CACNG5: variants seen among roughly 807,000 people sequenced by gnomAD.
CACNG5 encodes calcium voltage-gated channel auxiliary subunit gamma 5.
Under a neutral mutation model 24.8 loss-of-function variants are expected in CACNG5, and 18 were observed. That is an observed-to-expected ratio of 0.73 (90% CI 0.50 to 1.08). The LOEUF (loss-of-function observed/expected upper bound fraction) is 1.08. Among genes scored for constraint, CACNG5 ranks in the 50% least tolerant of loss-of-function variants. The pLI, the probability that CACNG5 is intolerant of heterozygous loss-of-function variation, is 0.00. For missense variants in CACNG5, 349 were observed against 367.9 expected (o/e 0.95, Z 0.42); for synonymous variants, 157 against 149.1 (o/e 1.05, Z -0.39).
At chr17:66,836,141 C>T (rs1200992975) in intron 1 of CACNG5, among the ~76,000 whole-genome samples, 2 of 152,130 alleles carry the variant, frequency 1.3e-5, no homozygotes, top group African/African-American at 4.8e-5. Flanking sequence ...CTGCCAGGCA[C>T]GCCGGTGGTT....
chr17:66,873,941 T>G (rs775112146), intron 1 of CACNG5, among the ~76,000 whole-genome samples: 2,594 of 151,708 alleles, frequency 0.017, 22 homozygotes, highest in Non-Finnish European at 0.024. Context: ...AAGCTGTTTT[T>G]TTTTTTTTTT....
intron 1 of CACNG5, among the ~76,000 whole-genome samples, chr17:66,846,836 G>A (rs556146006): frequency 1.2e-4 from 19 of 152,246 alleles, no homozygotes; most frequent in Non-Finnish European, 2.2e-4. Flanking sequence ...ATACTGAGGC[G>A]CCACCAAACT....
intron 1 of CACNG5, among the ~76,000 whole-genome samples, chr17:66,869,603 T>G (rs4791020): frequency 0.48 from 73,280 of 151,828 alleles, 18,105 homozygotes; most frequent in South Asian, 0.6. Context: ...CCGTGTGCCA[T>G]TCACTCCCCC....
At chr17:66,858,878 G>A (rs372003832) in intron 1 of CACNG5, among the ~76,000 whole-genome samples, 1 of 152,172 alleles carries the variant, frequency 6.6e-6, no homozygotes, top group South Asian at 2.1e-4. Flanking sequence ...AGGTGGTCAA[G>A]GTGTGAATAC....
chr17:66,874,019 G>T (rs545715351), intron 1 of CACNG5, among the ~76,000 whole-genome samples: 3 of 151,004 alleles, frequency 2.0e-5, no homozygotes, highest in African/African-American at 7.3e-5. Context: ...CCCCACTTTG[G>T]ATAAACTCAT....
At chr17:66,850,599 TACACAC>T (rs56797058) in intron 1 of CACNG5, among the ~76,000 whole-genome samples, 1 of 142,318 alleles carries the variant, frequency 7.0e-6, no homozygotes, top group African/African-American at 2.8e-5. Context: ...CACAAATACA[TACACAC>T]ACACACACAC....
chr17:66,885,789 C>A lies in CACNG5; in HGVS notation c.*549C>A, dbSNP rs1242488099. On this transcript the variant is annotated 3_prime_UTR_variant, in exon 6 of 6. Coordinates refer to ENST00000533854, the MANE Select transcript of CACNG5 (RefSeq NM_145811.3). Reference sequence around the variant, plus strand: ...CTTCTGAACTCCTTTCTCCTTGTCACCCCTGTCCCTCCACATGACACACCT... The same window carrying A: ...CTTCTGAACTCCTTTCTCCTTGTCAACCCTGTCCCTCCACATGACACACCT... Among the ~76,000 whole-genome samples the A allele has an allele frequency of 4.6e-5, 7 of 152,198 alleles. No homozygotes were observed. Among genetic ancestry groups the A allele is most frequent in the Non-Finnish European group, 5.9e-5 (4 of 68,030 alleles).
At position 66,880,635 on chromosome 17, in the gene CACNG5, G is replaced by C. The variant is rs1217664028; in HGVS notation, c.362G>C (p.Gly121Ala). Residue 121 changes from glycine (G) to alanine (A), a missense_variant, in exon 4 of 6, where the codon GGA becomes GCA. Physicochemically the swap from Gly to Ala is moderately conservative, Grantham distance 60. Transcript: ENST00000533854. ...MFIGFILNNI[G>A]HIRPHRTILA... ...ATTGGGTTTATCCTGAACAACATCG[G>C]ACACATCCGTCCCCACCGGACGATA... 2 of 1,614,190 alleles carry C rather than the reference G, an allele frequency of 1.2e-6. No homozygotes were observed. The highest frequency in any genetic ancestry group is 3.3e-5 in the Admixed American group (2 of 60,022).
chr17:66,885,995 A>G lies in CACNG5; in HGVS notation c.*755A>G, dbSNP rs527862580. ...ATCCTAATATGTATGGCCCTTTGAT[A>G]ACATATTTTACAGGAGCCTTTTATG... On this transcript the variant is annotated 3_prime_UTR_variant, in exon 6 of 6. Coordinates refer to ENST00000533854, the MANE Select transcript of CACNG5 (RefSeq NM_145811.3). 5.9e-5 allele frequency among the ~76,000 whole-genome samples: 9 copies of G among 152,328 alleles called. No individual in the cohort carries two copies. Among genetic ancestry groups the G allele is most frequent in the Non-Finnish European group, 1.3e-4 (9 of 68,034 alleles).
chr17:66,860,957 T>G (rs145575598), intron 1 of CACNG5, among the ~76,000 whole-genome samples: 83 of 152,274 alleles, frequency 5.5e-4, no homozygotes, highest in African/African-American at 1.9e-3. Flanking sequence ...CCAACCCTGA[T>G]GTAGATAATT....
At chr17:66,847,684 C>A (rs1379440275) in intron 1 of CACNG5, among the ~76,000 whole-genome samples, 1 of 152,124 alleles carries the variant, frequency 6.6e-6, no homozygotes. Flanking sequence ...TATCCAGACA[C>A]CCCTCACCCA....
rs993681024 is a variant in CACNG5 at position 66,877,411 on chromosome 17, G to A, written c.79G>A (p.Ala27Thr). 1.1e-5 allele frequency: 18 copies of A among 1,614,088 alleles called. No homozygotes were observed. The highest frequency in any genetic ancestry group is 4.5e-5 in the East Asian group (2 of 44,878). Residue 27 changes from alanine (A) to threonine (T), a missense_variant, in exon 2 of 6, where the codon GCG becomes ACG. Coordinates refer to ENST00000533854, the MANE Select transcript of CACNG5 (RefSeq NM_145811.3). ...CTGTGGCTTGGGCCTCCTGGGTATC[G>A]CGGTCAGCACCGACTACTGGCTGTA... ...AVCGLGLLGI[A>T]VSTDYWLYLE...
intron 1 of CACNG5, among the ~76,000 whole-genome samples, chr17:66,840,735 T>C (rs1976554608): frequency 6.6e-6 from 1 of 152,146 alleles, no homozygotes. Flanking sequence ...TCCTCCTGTG[T>C]GGGGATGTCT....
At chr17:66,846,823 A>C (rs1289644491) in intron 1 of CACNG5, among the ~76,000 whole-genome samples, 1 of 152,216 alleles carries the variant, frequency 6.6e-6, no homozygotes, top group Non-Finnish European at 1.5e-5. Context: ...CTCTGTGTGC[A>C]ACATACTGAG....
intron 1 of CACNG5, 47 bp downstream of exon 1, chr17:66,835,297 G>A (rs998261512): frequency 6.6e-6 from 1 of 152,408 alleles, no homozygotes; most frequent in Non-Finnish European, 1.5e-5. Flanking sequence ...CATCCTGGGG[G>A]GGTCCCTGGG....
intron 1 of CACNG5, among the ~76,000 whole-genome samples, chr17:66,860,132 A>G (rs1473891608): frequency 6.6e-6 from 1 of 152,170 alleles, no homozygotes; most frequent in Non-Finnish European, 1.5e-5. Context: ...AAGCTTACCT[A>G]TGCAACCCCA....
intron 2 of CACNG5, among the ~76,000 whole-genome samples, 185 bp from the exon 3 acceptor site, chr17:66,878,787 G>C (rs138856456): frequency 2.4e-3 from 367 of 152,282 alleles, no homozygotes; most frequent in African/African-American, 7.4e-3. Flanking sequence ...ATGTCAGGAC[G>C]TGCCTCCACC....
intron 1 of CACNG5, among the ~76,000 whole-genome samples, chr17:66,838,733 T>C (rs969847334): frequency 2.6e-5 from 4 of 152,138 alleles, no homozygotes; most frequent in Admixed American, 2.6e-4. Context: ...ACAATGATGA[T>C]AGCAGCTCCT....
chr17:66,867,702 T>C (rs2143089544), intron 1 of CACNG5, among the ~76,000 whole-genome samples: 1 of 152,340 alleles, frequency 6.6e-6, no homozygotes, highest in South Asian at 2.1e-4. Flanking sequence ...TAGCCAGTTT[T>C]CCAAGCACTG....
Sources: allele counts gnomAD v4.1 joint callset (sites outside exome capture counted in the v4.1 genomes callset), GRCh38; gene constraint gnomAD v4.1.1; transcripts MANE v1.5; gene names NCBI Gene and HGNC (gene_info 2026-07-23, HGNC 2026-07-21).